SLC1A6: variants seen among roughly 807,000 people sequenced by gnomAD.
The protein encoded by SLC1A6 is excitatory amino acid transporter 4.
SLC1A6 carries 15 observed loss-of-function variants against 42.1 expected under a neutral mutation model. The observed-to-expected ratio is 0.36, with a 90% CI of 0.24 to 0.55. The LOEUF (loss-of-function observed/expected upper bound fraction) is 0.55, where lower values mean the gene tolerates loss of function less well. SLC1A6 is among the 20% of genes least tolerant of loss of function. SLC1A6 has a pLI of 0.88. For missense variants in SLC1A6, 542 were observed against 772.5 expected, an observed-to-expected ratio of 0.70 and a Z score of 3.54; for synonymous variants, 317 against 319.7, an observed-to-expected ratio of 0.99 and a Z score of 0.09.
intron 3 of SLC1A6, 72 bp downstream of exon 3, chr19:14,971,665 G>A: frequency 4.8e-6 from 7 of 1,469,596 alleles, no homozygotes; most frequent in Non-Finnish European, 4.7e-6. Context: ...TGCTTGGGAT[G>A]GCCTTGGCTC....
At chr19:15,006,665 T>C (rs2045897077) in intron 1 of SLC1A6, among the ~76,000 whole-genome samples, 1 of 150,558 alleles carries the variant, frequency 6.6e-6, no homozygotes, top group South Asian at 2.1e-4. Flanking sequence ...GGCTCATGCC[T>C]GTAATCCCAG....
intron 9 of SLC1A6, among the ~76,000 whole-genome samples, chr19:14,950,765 A>AC (rs1309391664): frequency 2.6e-5 from 4 of 151,850 alleles, no homozygotes; most frequent in African/African-American, 9.7e-5. Flanking sequence ...ACATAGCAAG[A>AC]CCCCGTCTCT....
chr19:14,998,288 C>G (rs1324507061), intron 1 of SLC1A6, among the ~76,000 whole-genome samples: 1 of 152,146 alleles, frequency 6.6e-6, no homozygotes, highest in Non-Finnish European at 1.5e-5. Context: ...CCCCTGTAAT[C>G]CCAGCACTTT....
chr19:14,950,465 G>T, intron 9 of SLC1A6, 75 bp from the exon 10 acceptor site: 1 of 1,168,366 alleles, frequency 8.6e-7, no homozygotes, highest in Non-Finnish European at 1.2e-6. Context: ...CAGCAGAGGG[G>T]GGTCCCTGTG....
At chr19:14,972,406 T>C (rs2045650835) in intron 2 of SLC1A6, among the ~76,000 whole-genome samples, 3 of 151,588 alleles carry the variant, frequency 2.0e-5, no homozygotes, top group Admixed American at 1.3e-4. Flanking sequence ...ATAAGTTCAA[T>C]GCACGCATAT....
chr19:14,953,595 T>C (rs2045433354), intron 8 of SLC1A6, among the ~76,000 whole-genome samples: 1 of 151,880 alleles, frequency 6.6e-6, no homozygotes, highest in Non-Finnish European at 1.5e-5. Context: ...ATAAACAAAA[T>C]GAATAACTAA....
At chr19:14,966,861 C>A (rs2045579296) in intron 4 of SLC1A6, among the ~76,000 whole-genome samples, 1 of 152,030 alleles carries the variant, frequency 6.6e-6, no homozygotes, top group Non-Finnish European at 1.5e-5. Context: ...GAACATCACA[C>A]CCTGGGGCCT....
At position 14,954,214 on chromosome 19, in the gene SLC1A6, G is replaced by C; in HGVS notation, c.1285C>G (p.Leu429Val). The C allele has an allele frequency of 6.2e-7, 1 of 1,614,196 alleles. No individual in the cohort carries two copies. The change falls in exon 8 of 10, where the codon CTC becomes GTC. Residue 429 changes from leucine to valine, a missense_variant. Coordinates refer to ENST00000594383, the MANE Select transcript of SLC1A6 (RefSeq NM_005071.3). The part of the protein sequence containing the change: ...GATVNMDGTA[L>V]YEALAAIFIA... ...AAGATGGCAGCCAGGGCCTCGTAGA[G>C]GGCAGTGCCATCCATGTTGACCGTG...
intron 1 of SLC1A6, among the ~76,000 whole-genome samples, chr19:14,993,338 G>T (rs1039275977): frequency 6.6e-6 from 1 of 151,810 alleles, no homozygotes; most frequent in Non-Finnish European, 1.5e-5. Context: ...CTTCTGGGGG[G>T]GTGAAAGCTG....
intron 6 of SLC1A6, chr19:14,961,598 A>C (rs2045512242): frequency 5.7e-6 from 1 of 175,606 alleles, no homozygotes; most frequent in African/African-American, 2.4e-5. Flanking sequence ...TGAATGAATA[A>C]ATGCATGAGG....
intron 4 of SLC1A6, among the ~76,000 whole-genome samples, chr19:14,966,876 G>T (rs182425312): frequency 0.01 from 1,555 of 152,056 alleles, 27 homozygotes; most frequent in African/African-American, 0.034. Context: ...GGGCCTTTTG[G>T]GGGCTGTGGG....
At chr19:14,953,116 A>G in intron 8 of SLC1A6, 54 bp from the exon 9 acceptor site, 1 of 1,386,300 alleles carries the variant, frequency 7.2e-7, no homozygotes, top group Non-Finnish European at 1.0e-6. Context: ...GGCGATGAGG[A>G]AGAGAGAGGA....
chr19:14,960,499 A>G (rs1166743005), intron 6 of SLC1A6, among the ~76,000 whole-genome samples: 1 of 152,268 alleles, frequency 6.6e-6, no homozygotes, highest in Admixed American at 6.5e-5. Context: ...AAGTGAATAA[A>G]TTGGTGAATG....
intron 1 of SLC1A6, among the ~76,000 whole-genome samples, chr19:14,995,267 G>A (rs1465317304): frequency 7.0e-6 from 1 of 143,706 alleles, no homozygotes; most frequent in Non-Finnish European, 1.5e-5. Context: ...GGAGGTTGCA[G>A]TGAGCCGAGA....
chr19:15,003,704 G>A (rs2045883291), intron 1 of SLC1A6, among the ~76,000 whole-genome samples: 1 of 150,022 alleles, frequency 6.7e-6, no homozygotes, highest in South Asian at 2.1e-4. Flanking sequence ...AAGGCTAGAA[G>A]TTTTAGAAGG....
intron 1 of SLC1A6, among the ~76,000 whole-genome samples, chr19:14,996,479 C>T (rs532513953): frequency 6.6e-6 from 1 of 151,104 alleles, no homozygotes; most frequent in East Asian, 1.9e-4. Context: ...TCCTCCTTCT[C>T]CTTCCCCTTC....
intron 1 of SLC1A6, among the ~76,000 whole-genome samples, chr19:14,998,002 T>TG (rs201673272): frequency 0.14 from 14,814 of 104,090 alleles, 871 homozygotes; most frequent in East Asian, 0.34. Context: ...CAATATGATG[T>TG]TTGTGTGTGT....
At chr19:14,955,027 C>T (rs71334752) in intron 7 of SLC1A6, among the ~76,000 whole-genome samples, 2 of 152,138 alleles carry the variant, frequency 1.3e-5, no homozygotes. Flanking sequence ...CATGTCTTAT[C>T]GGAGAAAAGT....
rs138193404 is a variant in SLC1A6 at position 14,973,164 on chromosome 19, G to A, written c.-7-247C>T. 53 of 509,598 alleles carry A rather than the reference G, an allele frequency of 1.0e-4. 1 individual carries two copies. The highest frequency in any genetic ancestry group is 9.1e-4 in the African/African-American group (47 of 51,714). The allele number at this position is 509,598 out of a possible 1,614,324, so 31.6% of individuals were successfully genotyped here. ...GGTGGTAGTCCTAAATATTTGGGAGGCTGAGGCAGGAGGATCACTTGAGCC... is the reference window on the plus strand; with the variant it reads ...GGTGGTAGTCCTAAATATTTGGGAGACTGAGGCAGGAGGATCACTTGAGCC... On this transcript the variant is annotated intron_variant, in intron 1 of 9. Transcript: ENST00000594383.
Sources: gnomAD v4.1 joint callset for allele counts (sites outside exome capture counted in the v4.1 genomes callset) on GRCh38, gnomAD v4.1.1 for gene constraint, MANE v1.5 for transcripts, NCBI Gene and HGNC (gene_info 2026-07-23, HGNC 2026-07-21) for gene names.